The following TLR2 variants were observed in gnomAD, a reference collection of about 807,000 sequenced individuals.
TLR2 encodes the protein toll-like receptor 2.
In TLR2, 7 loss-of-function variants were observed where a neutral mutation model predicts 9.1. The ratio of observed to expected loss-of-function variants is 0.77; its 90% confidence interval spans 0.44 to 1.44. TLR2 has a LOEUF of 1.44. Ranked by LOEUF, TLR2 falls within the 40% of genes most tolerant of loss-of-function variation. TLR2 has a pLI of 0.01. For missense variants in TLR2, 812 were observed against 904.6 expected, an observed-to-expected ratio of 0.90 and a Z score of 1.31; for synonymous variants, 317 against 344.6, an observed-to-expected ratio of 0.92 and a Z score of 0.89.
At chr4:153,685,520 C>CACAAA (rs1323333288) in intron 1 of TLR2, among the ~76,000 whole-genome samples, 1 of 152,148 alleles carries the variant, frequency 6.6e-6, no homozygotes, top group Non-Finnish European at 1.5e-5. Flanking sequence ...AACAACAAAA[C>CACAAA]ACAAAACAAA....
chr4:153,689,042 C>G (rs890254495), intron 2 of TLR2, among the ~76,000 whole-genome samples: 3 of 152,212 alleles, frequency 2.0e-5, no homozygotes, highest in African/African-American at 7.2e-5. Flanking sequence ...GTGTCTTTAT[C>G]TATTTTAATG....
At chr4:153,699,629 G>T (rs1401730598) in intron 2 of TLR2, among the ~76,000 whole-genome samples, 1 of 152,204 alleles carries the variant, frequency 6.6e-6, no homozygotes, top group Non-Finnish European at 1.5e-5. Flanking sequence ...GGGGCAGGGG[G>T]TGTGATAGGG....
rs143226906 is a variant in TLR2, at chr4:153,703,193, T to G, written c.286T>G (p.Phe96Val). 7 of 1,614,074 alleles carry G rather than the reference T, an allele frequency of 4.3e-6. No homozygotes were observed. In the African/African-American group the frequency reaches 9.3e-5, roughly 22 times the overall value. The part of the protein sequence containing the change: ...NGINTIEEDS[F>V]SSLGSLEHLD... ...AATTAACACAATAGAGGAAGATTCTTTTTCTTCCCTGGGCAGTCTTGAACA... is the reference window on the plus strand; with the variant it reads ...AATTAACACAATAGAGGAAGATTCTGTTTCTTCCCTGGGCAGTCTTGAACA... The change falls in exon 3 of 3, where the codon TTT becomes GTT. Residue 96 changes from phenylalanine (F) to valine (V), a missense_variant. Transcript: ENST00000642700.
At position 153,691,754 on chromosome 4, in the gene TLR2, T is replaced by G. The variant is rs139338572; in HGVS notation, c.-17+3707T>G. 5.0e-3 allele frequency among the ~76,000 whole-genome samples: 760 copies of G among 152,310 alleles called. 7 individuals carry two copies. Among genetic ancestry groups the G allele is most frequent in the African/African-American group, 0.018 (729 of 41,570 alleles). ...ATCCGATTAATGTCCCCTAGTAATTTTTGAAAGTCATTTAATGTTTTCAAT... is the reference window on the plus strand; with the variant it reads ...ATCCGATTAATGTCCCCTAGTAATTGTTGAAAGTCATTTAATGTTTTCAAT... On this transcript the variant is annotated intron_variant, in intron 2 of 2. Coordinates refer to ENST00000642700, the MANE Select transcript of TLR2 (RefSeq NM_001318789.2).
chr4:153,686,594 A>G (rs1393367182), intron 1 of TLR2, among the ~76,000 whole-genome samples: 3 of 152,202 alleles, frequency 2.0e-5, no homozygotes, highest in African/African-American at 4.8e-5. Flanking sequence ...ATTAGGAAAA[A>G]AATCATAACT....
rs114760576 is a variant in TLR2 at position 153,690,450 on chromosome 4, A to G, written c.-17+2403A>G. Among the ~76,000 whole-genome samples the G allele has an allele frequency of 8.6e-3, 1,304 of 152,354 alleles. 26 individuals carry two copies. Among genetic ancestry groups the G allele is most frequent in the African/African-American group, 0.029 (1,223 of 41,576 alleles). Reference sequence around the variant, plus strand: ...ATAGCCTGGGGCATTATCTGTTTTAACAGAAGTTGGAATTCCTATCACCAC... The same window carrying G: ...ATAGCCTGGGGCATTATCTGTTTTAGCAGAAGTTGGAATTCCTATCACCAC... On this transcript the variant is annotated intron_variant, in intron 2 of 2. Coordinates refer to ENST00000642700, the MANE Select transcript of TLR2 (RefSeq NM_001318789.2).
rs1026498461 is a variant in TLR2 at position 153,684,351 on chromosome 4, G to C, written c.-172G>C. 1 of 152,314 alleles carries C rather than the reference G, an allele frequency of 6.6e-6. No homozygotes were observed. The allele number at this position is 152,314 out of a possible 1,614,324, so 9.4% of individuals were successfully genotyped here. A position where few individuals can be genotyped will look rare whatever the true frequency, so the allele number is the denominator to read the frequency against. ...GCGTTCTCTCAGGTGACTGCTCGGA[G>C]TTCTCCCAGGTACGTCGTGCGCTCC... On this transcript the variant is annotated 5_prime_UTR_variant, in exon 1 of 3. Coordinates refer to ENST00000642700, the MANE Select transcript of TLR2 (RefSeq NM_001318789.2).
Position 153,693,664 on chromosome 4 carries a change from C to G in TLR2, c.-17+5617C>G, listed in dbSNP as rs540461816. ...ACTTTAGCTTTAGCTGGCAAACAAA[C>G]CTGCTCTGTCACCTCTTCTGTTACT... is the stretch of plus-strand genomic sequence containing the variant. On this transcript the variant is annotated intron_variant, in intron 2 of 2. Coordinates refer to ENST00000642700, the MANE Select transcript of TLR2 (RefSeq NM_001318789.2). Among the ~76,000 whole-genome samples, 4 of 152,312 alleles carry G rather than the reference C, an allele frequency of 2.6e-5. No homozygotes were observed. The South Asian group carries it at 8.3e-4, about 32-fold the overall frequency.
At chr4:153,700,948 T>C (rs1403835464) in intron 2 of TLR2, among the ~76,000 whole-genome samples, 2 of 152,156 alleles carry the variant, frequency 1.3e-5, no homozygotes, top group African/African-American at 4.8e-5. Flanking sequence ...TGAATCCTTC[T>C]GCTACCTCAA....
rs758903391 is a variant in TLR2, at chr4:153,703,769, A to G, written c.862A>G (p.Thr288Ala). 5 of 1,613,978 alleles carry G rather than the reference A, an allele frequency of 3.1e-6. No individual in the cohort carries two copies. Among genetic ancestry groups the G allele is most frequent in the Non-Finnish European group, 4.2e-6 (5 of 1,180,000 alleles). Residue 288 changes from threonine to alanine, a missense_variant, in exon 3 of 3, where the codon ACC (threonine) becomes GCC (alanine). Transcript: ENST00000642700. ...GLLELEFDDC[T>A]LNGVGNFRAS... ...GTTAGAATTAGAGTTTGATGACTGTACCCTTAATGGAGTTGGTAATTTTAG... is the reference window on the plus strand; with the variant it reads ...GTTAGAATTAGAGTTTGATGACTGTGCCCTTAATGGAGTTGGTAATTTTAG...
chr4:153,694,674 G>A (rs980839979), intron 2 of TLR2, among the ~76,000 whole-genome samples: 1 of 152,114 alleles, frequency 6.6e-6, no homozygotes, highest in East Asian at 1.9e-4. Context: ...TCCTTTCTTT[G>A]TGTTATAAAC....
In TLR2 at chr4:153,702,961, C is replaced by T. The variant is rs199775390; in HGVS notation, c.54C>T (p.Ser18=). Residue 18 remains serine (S), a synonymous_variant, in exon 3 of 3, where the codon TCC becomes TCT. Transcript: ENST00000642700. ...TCTTGGGGGTCATCATCAGCCTCTC[C>T]AAGGAAGAATCCTCCAATCAGGCTT... The part of the protein sequence containing the change: ...VWVLGVIISL[S]KEESSNQASL... The T allele has an allele frequency of 6.2e-7, 1 of 1,608,870 alleles. No homozygotes were observed. Among genetic ancestry groups the T allele is most frequent in the Non-Finnish European group, 8.5e-7 (1 of 1,177,760 alleles).
downstream of TLR2, among the ~76,000 whole-genome samples, chr4:153,708,066 A>T (rs139082889): frequency 6.6e-6 from 1 of 152,264 alleles, no homozygotes; most frequent in African/African-American, 2.4e-5. Context: ...ACATATACAC[A>T]CTACTTTACA....
Position 153,703,877 on chromosome 4 carries a change from T to C in TLR2, c.970T>C (p.Leu324=), listed in dbSNP as rs201763085. 5.0e-6 allele frequency: 8 copies of C among 1,614,152 alleles called. No homozygotes were observed. The highest frequency in any genetic ancestry group is 6.8e-6 in the Non-Finnish European group (8 of 1,180,018). Residue 324 remains leucine (L), a synonymous_variant, in exon 3 of 3, where the codon TTA becomes CTA. Transcript: ENST00000642700. ...IRRLHIPRFY[L]FYDLSTLYSL... is the part of the protein sequence containing the mutation. ...GAGGCTGCATATTCCAAGGTTTTAC[T>C]TATTTTATGATCTGAGCACTTTATA...
At chr4:153,702,849 G>C (rs1737002659) in intron 2 of TLR2, 43 bp from the exon 3 acceptor site, 2 of 1,360,326 alleles carry the variant, frequency 1.5e-6, no homozygotes, top group Non-Finnish European at 2.0e-6. Context: ...ATTACGATAT[G>C]CTGTCAAACA....
At position 153,703,536 on chromosome 4, in the gene TLR2, A is replaced by G. The variant is rs757739714; in HGVS notation, c.629A>G (p.His210Arg). Residue 210 changes from histidine to arginine, a missense_variant, in exon 3 of 3, where the codon CAT becomes CGT. By Grantham distance (29) the His-to-Arg change is conservative (BLOSUM62 0). Transcript: ENST00000642700. ...VSHLILHMKQ[H>R]ILLLEIFVDV... ...CATCTGATCCTTCATATGAAGCAGC[A>G]TATTTTACTGCTGGAGATTTTTGTA... 1.2e-6 allele frequency: 2 copies of G among 1,614,122 alleles called. No individual in the cohort carries two copies. Among genetic ancestry groups the G allele is most frequent in the Non-Finnish European group, 1.7e-6 (2 of 1,180,030 alleles).
intron 1 of TLR2, among the ~76,000 whole-genome samples, chr4:153,684,802 G>C (rs1324067613): frequency 6.6e-6 from 1 of 150,748 alleles, no homozygotes; most frequent in Middle Eastern, 3.4e-3. Flanking sequence ...CACCTCCCTC[G>C]GGAGGCCGAG....
intron 2 of TLR2, among the ~76,000 whole-genome samples, chr4:153,691,411 C>A (rs1269500478): frequency 6.6e-6 from 1 of 152,156 alleles, no homozygotes; most frequent in Non-Finnish European, 1.5e-5. Flanking sequence ...TCTCCCATTT[C>A]TTATCATCGT....
chr4:153,698,102 G>A (rs572233013), intron 2 of TLR2, among the ~76,000 whole-genome samples: 3 of 152,022 alleles, frequency 2.0e-5, no homozygotes, highest in East Asian at 1.9e-4. Flanking sequence ...AACAAAAATC[G>A]TAAAGTGTTC....
Sources: gnomAD v4.1 joint callset for allele counts (sites outside exome capture counted in the v4.1 genomes callset) on GRCh38, gnomAD v4.1.1 for gene constraint, MANE v1.5 for transcripts, NCBI Gene and HGNC (gene_info 2026-07-23, HGNC 2026-07-21) for gene names.